The following TCF20 variants were observed in gnomAD, a reference collection of about 807,000 sequenced individuals.
TCF20 encodes the protein SPRE-binding protein.
In TCF20, 3 loss-of-function variants were observed where a neutral mutation model predicts 148.6. The observed-to-expected ratio is 0.02, with a 90% CI of 0.01 to 0.05. TCF20 has a LOEUF of 0.05. TCF20 is among the 10% of genes least tolerant of loss of function. TCF20 has a pLI of 1.00. For synonymous variants in TCF20, 1,049 were observed against 909.5 expected (o/e 1.15, Z -2.76); for missense variants, 2,350 against 2,429.3 (o/e 0.97, Z 0.69).
rs145588008 is a variant in TCF20 at position 42,241,415 on chromosome 22, G to A, written c.-36-26074C>T. On this transcript the variant is annotated intron_variant, in intron 1 of 5. Coordinates refer to ENST00000677622, the MANE Select transcript of TCF20 (RefSeq NM_001378418.1). ...GTTCTAGGAAATAAAAGCGAAGTTT[G>A]AAAAATTTAGCAGGGAACAGGAATC... Among the ~76,000 whole-genome samples, 822 of 152,278 alleles carry A rather than the reference G, an allele frequency of 5.4e-3. 3 individuals are homozygous for A. The highest frequency in any genetic ancestry group is 0.01 in the Admixed American group (153 of 15,286).
upstream of TCF20, among the ~76,000 whole-genome samples, chr22:42,287,332 A>G (rs554704981): frequency 3.3e-5 from 5 of 152,166 alleles, no homozygotes; most frequent in Non-Finnish European, 7.3e-5. Context: ...TGCTGGAATC[A>G]TCTAGTTCAA....
intron 1 of TCF20, among the ~76,000 whole-genome samples, chr22:42,326,606 A>C (rs571812954): frequency 6.6e-6 from 1 of 152,282 alleles, no homozygotes; most frequent in African/African-American, 2.4e-5. Flanking sequence ...CCTGGACTCA[A>C]AGCCTCAGGG....
chr22:42,309,650 G>A (rs1168127092), intron 1 of TCF20, among the ~76,000 whole-genome samples: 2 of 120,018 alleles, frequency 1.7e-5, no homozygotes. Flanking sequence ...TGCCAGCAAC[G>A]CCCCTGCAAC....
chr22:42,178,868 A>G (rs1035758221), intron 3 of TCF20, among the ~76,000 whole-genome samples: 2 of 152,074 alleles, frequency 1.3e-5, no homozygotes, highest in Non-Finnish European at 2.9e-5. Flanking sequence ...TTAAAAAGAT[A>G]AACAACCCAA....
At chr22:42,298,845 C>A (rs1445870514) in intron 1 of TCF20, among the ~76,000 whole-genome samples, 1 of 152,136 alleles carries the variant, frequency 6.6e-6, no homozygotes, top group African/African-American at 2.4e-5. Flanking sequence ...CCCCACCAGG[C>A]CTTCCCCAGG....
At chr22:42,318,005 G>T (rs1057383571) in intron 1 of TCF20, among the ~76,000 whole-genome samples, 9 of 152,102 alleles carry the variant, frequency 5.9e-5, no homozygotes, top group African/African-American at 2.2e-4. Context: ...CCCCTGCACA[G>T]GGGCGTGTGC....
At chr22:42,253,079 A>T (rs148227415) in intron 1 of TCF20, among the ~76,000 whole-genome samples, 170 of 152,332 alleles carry the variant, frequency 1.1e-3, no homozygotes, top group African/African-American at 4.0e-3. Flanking sequence ...GGAAAAAAAC[A>T]ACAAAACAAA....
intron 1 of TCF20, among the ~76,000 whole-genome samples, chr22:42,311,954 A>G (rs1366386922): frequency 2.0e-5 from 3 of 152,228 alleles, no homozygotes; most frequent in African/African-American, 7.2e-5. Context: ...GCATTTTAGA[A>G]GAACTTAGGG....
intron 1 of TCF20, among the ~76,000 whole-genome samples, chr22:42,258,590 G>C (rs1304915958): frequency 6.6e-6 from 1 of 152,122 alleles, no homozygotes; most frequent in African/African-American, 2.4e-5. Context: ...AAAGTGACAA[G>C]CATTCAGTAG....
At chr22:42,238,161 T>C (rs963300983) in intron 1 of TCF20, among the ~76,000 whole-genome samples, 1 of 152,250 alleles carries the variant, frequency 6.6e-6, no homozygotes, top group African/African-American at 2.4e-5. Flanking sequence ...ATCTTCTAGA[T>C]AACTTGCTGC....
chr22:42,290,540 G>T lies in TCF20; in HGVS notation c.-37+52939C>A, dbSNP rs1927114815. On this transcript the variant is annotated intron_variant, in intron 1 of 1. Coordinates refer to the TCF20 transcript ENST00000515426. This position sits in a 1 kb window ranked among gnomAD's most constrained non-coding sequence, Gnocchi z 4.2. ...TCCTGACCTTTGCTTAGCACAGGCA[G>T]GGGACCCTCTCCCCACAGTGTGGCC... is the stretch of plus-strand genomic sequence containing the variant. Among the ~76,000 whole-genome samples the T allele has an allele frequency of 6.6e-6, 1 of 152,220 alleles. No individual in the cohort carries two copies. Among genetic ancestry groups the T allele is most frequent in the South Asian group, 2.1e-4 (1 of 4,836 alleles).
chr22:42,261,053 C>G (rs961461275), intron 1 of TCF20, among the ~76,000 whole-genome samples: 1 of 152,186 alleles, frequency 6.6e-6, no homozygotes, highest in Non-Finnish European at 1.5e-5. Context: ...AATCTGAAAT[C>G]TAGTACATAA....
intron 1 of TCF20, among the ~76,000 whole-genome samples, chr22:42,259,339 C>A (rs1925911699): frequency 6.6e-6 from 1 of 152,190 alleles, no homozygotes; most frequent in Admixed American, 6.5e-5. Flanking sequence ...CTATTACTAG[C>A]AGGAGATGCC....
At position 42,212,393 on chromosome 22, in the gene TCF20, G is replaced by A. The variant is rs1921059916; in HGVS notation, c.2913C>T (p.Thr971=). ...GGCCATAGTCTGAAAGGGAATCATG[G>A]GTTGCTGCTCCAGGGCTGGCATTGC... ...YRGNASPGAA[T]HDSLSDYGPQ... Residue 971 remains threonine, a synonymous_variant, in exon 2 of 6, where the codon ACC becomes ACT. Coordinates refer to ENST00000677622, the MANE Select transcript of TCF20 (RefSeq NM_001378418.1). 3 of 1,614,234 alleles carry A rather than the reference G, an allele frequency of 1.9e-6. No homozygotes were observed. Among genetic ancestry groups the A allele is most frequent in the Non-Finnish European group, 2.5e-6 (3 of 1,180,040 alleles).
At chr22:42,267,939 A>G (rs1325762302) in intron 1 of TCF20, among the ~76,000 whole-genome samples, 6 of 152,196 alleles carry the variant, frequency 3.9e-5, no homozygotes, top group Admixed American at 2.0e-4. Context: ...TGAGGTCAGG[A>G]GTTCAAGACC....
chr22:42,303,817 G>A (rs1927382917), intron 1 of TCF20, among the ~76,000 whole-genome samples: 2 of 151,948 alleles, frequency 1.3e-5, no homozygotes, highest in Admixed American at 6.6e-5. Flanking sequence ...GTGAGAGGAG[G>A]AGGGGCAGGG....
chr22:42,331,657 C>T (rs998398843), intron 1 of TCF20, among the ~76,000 whole-genome samples: 7 of 152,258 alleles, frequency 4.6e-5, no homozygotes, highest in Non-Finnish European at 1.0e-4. Context: ...GCCCTGCACC[C>T]CAACAGCAGC....
chr22:42,167,725 T>TG, intron 5 of TCF20, among the ~76,000 whole-genome samples: 1 of 152,010 alleles, frequency 6.6e-6, no homozygotes, highest in Admixed American at 6.5e-5. Context: ...TCACAAGAAT[T>TG]TTTTTTCTTT....
intron 1 of TCF20, among the ~76,000 whole-genome samples, chr22:42,226,427 G>T (rs1190404066): frequency 6.6e-6 from 1 of 152,208 alleles, no homozygotes; most frequent in Non-Finnish European, 1.5e-5. Flanking sequence ...TTGAGGCCGG[G>T]CCTGGTGGCT....
Sources: gnomAD v4.1 joint callset for allele counts (sites outside exome capture counted in the v4.1 genomes callset) on GRCh38, gnomAD v4.1.1 for gene constraint, Gnocchi (gnomAD v3.1) non-coding constraint, MANE v1.5 for transcripts, NCBI Gene and HGNC (gene_info 2026-07-23, HGNC 2026-07-21) for gene names.